The following LRRTM4 variants were observed in gnomAD, a reference collection of about 807,000 sequenced individuals.
The protein encoded by LRRTM4 is leucine-rich repeat transmembrane neuronal protein 4.
In LRRTM4, 25 loss-of-function variants were observed where a neutral mutation model predicts 47.6. That is an observed-to-expected ratio of 0.53 (90% CI 0.38 to 0.73). The LOEUF is 0.73. Ranked by LOEUF, LRRTM4 falls within the 30% of genes least tolerant of loss-of-function variation. The pLI is 0.00. For synonymous variants in LRRTM4, 311 were observed against 269.5 expected (o/e 1.15, Z -1.51); for missense variants, 638 against 713.4 (o/e 0.89, Z 1.20).
chr2:76,758,165 T>C (rs191398499), intron 3 of LRRTM4, among the ~76,000 whole-genome samples: 1 of 152,290 alleles, frequency 6.6e-6, no homozygotes, highest in Admixed American at 6.5e-5. Flanking sequence ...TGCAACTGAT[T>C]TGCTTGCCTT....
intron 3 of LRRTM4, among the ~76,000 whole-genome samples, chr2:77,029,080 A>AT (rs1678559334): frequency 2.7e-5 from 4 of 146,554 alleles, no homozygotes; most frequent in African/African-American, 1.0e-4. Flanking sequence ...TAATATATAT[A>AT]TATTATATAT....
intron 3 of LRRTM4, among the ~76,000 whole-genome samples, chr2:77,238,851 G>GA (rs554626832): frequency 3.3e-5 from 5 of 151,410 alleles, no homozygotes; most frequent in Admixed American, 1.3e-4. Context: ...ACTATATTCA[G>GA]AAAAAAAATC....
intron 3 of LRRTM4, among the ~76,000 whole-genome samples, chr2:77,209,632 C>G (rs933450177): frequency 6.6e-6 from 1 of 152,046 alleles, no homozygotes; most frequent in Non-Finnish European, 1.5e-5. Context: ...GCCCATATAC[C>G]TGCATATGAT....
intron 3 of LRRTM4, among the ~76,000 whole-genome samples, chr2:77,384,178 A>G (rs1573341920): frequency 6.6e-6 from 1 of 151,970 alleles, no homozygotes; most frequent in Non-Finnish European, 1.5e-5. Flanking sequence ...TATATCAGAC[A>G]TTGTGATTTC....
chr2:77,265,821 C>T (rs1463907058), intron 3 of LRRTM4, among the ~76,000 whole-genome samples: 1 of 151,944 alleles, frequency 6.6e-6, no homozygotes, highest in Non-Finnish European at 1.5e-5. Flanking sequence ...GAATAATAAA[C>T]TATGTTATAT....
chr2:77,346,282 T>C (rs1481066247), intron 3 of LRRTM4, among the ~76,000 whole-genome samples: 1 of 151,870 alleles, frequency 6.6e-6, no homozygotes, highest in Non-Finnish European at 1.5e-5. Flanking sequence ...AACTGCCATA[T>C]CTCCCAATTA....
chr2:76,980,661 G>T, intron 3 of LRRTM4, among the ~76,000 whole-genome samples: 1 of 151,976 alleles, frequency 6.6e-6, no homozygotes, highest in East Asian at 1.9e-4. Flanking sequence ...GTCAGCAGTG[G>T]GGTGGGGTGG....
At chr2:77,315,204 A>T (rs1390469178) in intron 3 of LRRTM4, among the ~76,000 whole-genome samples, 2 of 152,212 alleles carry the variant, frequency 1.3e-5, no homozygotes, top group Non-Finnish European at 2.9e-5. Context: ...ATAGTGTGTG[A>T]CATCTACACA....
chr2:77,288,914 C>T (rs1676739658), intron 3 of LRRTM4, among the ~76,000 whole-genome samples: 1 of 149,070 alleles, frequency 6.7e-6, no homozygotes, highest in Non-Finnish European at 1.5e-5. Flanking sequence ...ACATTACTTG[C>T]TATCTGAAAC....
At chr2:76,759,384 T>G (rs1038862377) in intron 3 of LRRTM4, among the ~76,000 whole-genome samples, 8 of 152,154 alleles carry the variant, frequency 5.3e-5, no homozygotes, top group African/African-American at 1.7e-4. Flanking sequence ...AAGTCAGACT[T>G]GAACCTTCAG....
chr2:76,944,011 C>T (rs1675241803), intron 3 of LRRTM4, among the ~76,000 whole-genome samples: 1 of 152,098 alleles, frequency 6.6e-6, no homozygotes, highest in Admixed American at 6.5e-5. Flanking sequence ...TGCCCACTAT[C>T]AATGCAATTT....
chr2:76,954,933 C>CA (rs912212089), intron 3 of LRRTM4, among the ~76,000 whole-genome samples: 3 of 151,338 alleles, frequency 2.0e-5, no homozygotes, highest in Admixed American at 6.6e-5. Context: ...AAAACAAAAA[C>CA]AAAACAAAAA....
intron 3 of LRRTM4, among the ~76,000 whole-genome samples, chr2:76,925,708 A>G (rs1334475227): frequency 6.6e-6 from 1 of 152,078 alleles, no homozygotes; most frequent in East Asian, 1.9e-4. Flanking sequence ...TGTCTCACTA[A>G]CACAATTTTT....
chr2:77,319,292 C>T (rs1677719169), intron 3 of LRRTM4, among the ~76,000 whole-genome samples: 1 of 151,814 alleles, frequency 6.6e-6, no homozygotes, highest in African/African-American at 2.4e-5. Context: ...GAGGTTGAGA[C>T]AGGAGAATCG....
chr2:77,474,957 C>G (rs928021296), intron 3 of LRRTM4, among the ~76,000 whole-genome samples: 12 of 152,016 alleles, frequency 7.9e-5, no homozygotes, highest in Non-Finnish European at 1.2e-4. Flanking sequence ...TTTTGCTCAT[C>G]TAGAAGATAT....
intron 3 of LRRTM4, among the ~76,000 whole-genome samples, chr2:77,437,508 C>T (rs1355599501): frequency 6.6e-6 from 1 of 151,928 alleles, no homozygotes; most frequent in Non-Finnish European, 1.5e-5. Flanking sequence ...TTGGGCATAA[C>T]CTTTTCATAT....
chr2:77,103,853 G>A (rs1392217837), intron 3 of LRRTM4, among the ~76,000 whole-genome samples: 1 of 151,594 alleles, frequency 6.6e-6, no homozygotes, highest in Non-Finnish European at 1.5e-5. Flanking sequence ...TTAACTCAAG[G>A]CATTCTCACC....
intron 3 of LRRTM4, among the ~76,000 whole-genome samples, chr2:77,133,658 A>G (rs1671859406): frequency 6.6e-6 from 1 of 152,168 alleles, no homozygotes; most frequent in African/African-American, 2.4e-5. Context: ...TTATATTTCG[A>G]TGTTGGATGA....
At chr2:77,126,702 T>G (rs1366692948) in intron 3 of LRRTM4, among the ~76,000 whole-genome samples, 1 of 152,140 alleles carries the variant, frequency 6.6e-6, no homozygotes, top group Non-Finnish European at 1.5e-5. Flanking sequence ...TGGAAAGGTT[T>G]GATGGTATTA....
Sources: allele counts gnomAD v4.1 joint callset (sites outside exome capture counted in the v4.1 genomes callset), GRCh38; gene constraint gnomAD v4.1.1; transcripts MANE v1.5; gene names NCBI Gene and HGNC (gene_info 2026-07-23, HGNC 2026-07-21).